LRP1B: variants seen among roughly 807,000 people sequenced by gnomAD.
The protein encoded by LRP1B is low-density lipoprotein receptor-related protein 1B.
In LRP1B, 217 loss-of-function variants were observed where a neutral mutation model predicts 556.6. The ratio of observed to expected loss-of-function variants is 0.39; its 90% CI spans 0.35 to 0.44. The LOEUF is 0.44. LRP1B is among the 20% of genes least tolerant of loss of function. LRP1B has a pLI of 1.00. For synonymous variants in LRP1B, 2,047 were observed against 1,865.8 expected, an observed-to-expected ratio of 1.10 and a Z score of -2.50; for missense variants, 5,053 against 5,620.8, an observed-to-expected ratio of 0.90 and a Z score of 3.23.
chr2:140,277,985 C>A (rs1235181698), intron 84 of LRP1B, among the ~76,000 whole-genome samples: 1 of 151,186 alleles, frequency 6.6e-6, no homozygotes, highest in Non-Finnish European at 1.5e-5. Flanking sequence ...AATGTCTGTC[C>A]CAAGAATGGA....
intron 7 of LRP1B, among the ~76,000 whole-genome samples, chr2:141,186,268 T>A (rs1395373102): frequency 6.7e-6 from 1 of 148,966 alleles, no homozygotes. Flanking sequence ...GCCAAATACA[T>A]ATCATCCTGT....
intron 7 of LRP1B, among the ~76,000 whole-genome samples, chr2:141,143,876 T>C (rs1701717410): frequency 6.6e-6 from 1 of 151,716 alleles, no homozygotes; most frequent in Admixed American, 6.6e-5. Flanking sequence ...AACTCAGAAG[T>C]TAAATGACTT....
At chr2:140,648,334 T>C (rs990141955) in intron 41 of LRP1B, among the ~76,000 whole-genome samples, 1 of 152,082 alleles carries the variant, frequency 6.6e-6, no homozygotes, top group Non-Finnish European at 1.5e-5. Flanking sequence ...AAATACCTAA[T>C]GTAGATGACG....
intron 55 of LRP1B, among the ~76,000 whole-genome samples, chr2:140,495,996 A>G (rs1227207983): frequency 6.6e-6 from 1 of 152,180 alleles, no homozygotes; most frequent in Non-Finnish European, 1.5e-5. Flanking sequence ...TGACATTGCT[A>G]AGGCCGTGTG....
intron 1 of LRP1B, among the ~76,000 whole-genome samples, chr2:141,953,928 C>T (rs1368704530): frequency 6.6e-6 from 1 of 152,084 alleles, no homozygotes; most frequent in Non-Finnish European, 1.5e-5. Context: ...AATTAAACCT[C>T]ACTTACCCAA....
chr2:141,197,028 A>G (rs1168947546), intron 6 of LRP1B, among the ~76,000 whole-genome samples: 2 of 152,150 alleles, frequency 1.3e-5, no homozygotes, highest in Admixed American at 1.3e-4. Flanking sequence ...GCCTGCCACC[A>G]TGTAAGACAT....
At position 140,656,730 on chromosome 2, in the gene LRP1B, G is replaced by A. The variant is rs575449016; in HGVS notation, c.6799+43520C>T. On this transcript the variant is annotated intron_variant, in intron 41 of 90. Transcript: ENST00000389484. ...TCATTCAAAAGAAAAGTTTTTTGGGGTTCACTTTCAGGGAATTTTCAATAA... is the reference window on the plus strand; with the variant it reads ...TCATTCAAAAGAAAAGTTTTTTGGGATTCACTTTCAGGGAATTTTCAATAA... Among the ~76,000 whole-genome samples, 17 of 152,180 alleles carry A rather than the reference G, an allele frequency of 1.1e-4. No individual in the cohort carries two copies. The South Asian group carries it at 3.5e-3, about 32-fold the overall frequency.
At chr2:140,347,858 C>G (rs1681763543) in intron 77 of LRP1B, among the ~76,000 whole-genome samples, 1 of 151,814 alleles carries the variant, frequency 6.6e-6, no homozygotes, top group Non-Finnish European at 1.5e-5. Context: ...ATATTTGTGT[C>G]AAAACTTAGA....
Position 141,840,086 on chromosome 2 carries a change from A to G in LRP1B, c.83-29685T>C, listed in dbSNP as rs1162779069. Among the ~76,000 whole-genome samples the G allele has an allele frequency of 4.6e-5, 7 of 152,208 alleles. No homozygotes were observed. In the East Asian group the frequency reaches 1.4e-3, roughly 30 times the overall value. ...AGAGTTGGCCAAAGATTTTTATTTA[A>G]TGAGTGAATACTTTTCATACAAATT... On this transcript the variant is annotated intron_variant, in intron 1 of 90. Coordinates refer to ENST00000389484, the MANE Select transcript of LRP1B (RefSeq NM_018557.3).
intron 1 of LRP1B, among the ~76,000 whole-genome samples, chr2:141,863,933 T>A (rs1239827770): frequency 6.6e-6 from 1 of 152,166 alleles, no homozygotes; most frequent in Non-Finnish European, 1.5e-5. Context: ...TAACACAATA[T>A]ATTGCCTATG....
At chr2:140,416,851 C>G (rs1255262808) in intron 66 of LRP1B, among the ~76,000 whole-genome samples, 9 of 152,100 alleles carry the variant, frequency 5.9e-5, no homozygotes, top group Admixed American at 4.6e-4. Context: ...GCCTCTTGCC[C>G]ACACTGCACA....
At chr2:141,906,928 A>G (rs191371885) in intron 1 of LRP1B, among the ~76,000 whole-genome samples, 1 of 152,062 alleles carries the variant, frequency 6.6e-6, no homozygotes, top group South Asian at 2.1e-4. Flanking sequence ...AAATCGTCCC[A>G]TGTTTCCCAT....
intron 41 of LRP1B, among the ~76,000 whole-genome samples, chr2:140,627,114 A>G (rs1174123536): frequency 6.6e-6 from 1 of 152,202 alleles, no homozygotes; most frequent in African/African-American, 2.4e-5. Context: ...CTTAAAATGG[A>G]CAGTGGCTTA....
intron 1 of LRP1B, among the ~76,000 whole-genome samples, chr2:142,027,759 CAG>C (rs1703560161): frequency 6.9e-6 from 1 of 145,574 alleles, no homozygotes; most frequent in Non-Finnish European, 1.5e-5. Flanking sequence ...ATAAAAACTT[CAG>C]AGTTTTCATC....
chr2:141,770,147 G>T (rs1028192143), intron 2 of LRP1B, among the ~76,000 whole-genome samples: 4 of 151,912 alleles, frequency 2.6e-5, no homozygotes, highest in Non-Finnish European at 5.9e-5. Context: ...TACCAGAAAT[G>T]CTGGCTACTT....
intron 3 of LRP1B, among the ~76,000 whole-genome samples, chr2:141,412,720 GA>G (rs974595022): frequency 2.0e-5 from 3 of 151,782 alleles, no homozygotes; most frequent in African/African-American, 7.3e-5. Flanking sequence ...TTTTATGGGG[GA>G]AAACAAAAAT....
intron 83 of LRP1B, among the ~76,000 whole-genome samples, chr2:140,303,533 C>T (rs1222619249): frequency 6.6e-6 from 1 of 152,152 alleles, no homozygotes; most frequent in East Asian, 1.9e-4. Context: ...AGGCGTGAGA[C>T]ACCACACCTA....
At chr2:141,546,289 G>A (rs1353362213) in intron 2 of LRP1B, among the ~76,000 whole-genome samples, 1 of 152,136 alleles carries the variant, frequency 6.6e-6, no homozygotes, top group Non-Finnish European at 1.5e-5. Context: ...CCATTTTACA[G>A]ATGAGGTAAC....
chr2:141,771,679 C>A (rs2105616794), intron 2 of LRP1B, among the ~76,000 whole-genome samples: 1 of 152,122 alleles, frequency 6.6e-6, no homozygotes, highest in South Asian at 2.1e-4. Flanking sequence ...GTCCTAATCC[C>A]CAACGTAATG....
Sources: allele counts gnomAD v4.1 joint callset (sites outside exome capture counted in the v4.1 genomes callset), GRCh38; gene constraint gnomAD v4.1.1; transcripts MANE v1.5; gene names NCBI Gene and HGNC (gene_info 2026-07-23, HGNC 2026-07-21).